ZNF804B: variants seen among roughly 807,000 people sequenced by gnomAD.
ZNF804B encodes zinc finger protein 804B, also known as zinc finger 804B.
ZNF804B carries 80 observed loss-of-function variants against 101.4 expected under a neutral mutation model. The observed-to-expected ratio is 0.79, with a 90% confidence interval of 0.66 to 0.95. The LOEUF is 0.95. Among genes scored for constraint, ZNF804B ranks in the 40% least tolerant of loss-of-function variants. The probability of loss-of-function intolerance (pLI) is 0.00; values close to 1 mark genes in which losing one functional copy is unlikely to be tolerated. For missense variants in ZNF804B, 1,673 were observed against 1,561.9 expected (o/e 1.07, Z -1.20); for synonymous variants, 622 against 558.8 (o/e 1.11, Z -1.59).
intron 1 of ZNF804B, among the ~76,000 whole-genome samples, chr7:89,071,914 C>T (rs1431663371): frequency 6.6e-6 from 1 of 152,110 alleles, no homozygotes; most frequent in African/African-American, 2.4e-5. Context: ...CTTACAAATC[C>T]TACTTGTTCT....
intron 1 of ZNF804B, among the ~76,000 whole-genome samples, chr7:89,212,282 CACACACAA>C (rs768542938): frequency 0.016 from 2,134 of 131,950 alleles, 21 homozygotes; most frequent in Non-Finnish European, 0.025. Flanking sequence ...CACACACACA[CACACACAA>C]ACAGACTGCA....
At chr7:88,780,388 T>TTA (rs1303361244) in intron 1 of ZNF804B, among the ~76,000 whole-genome samples, 1 of 123,112 alleles carries the variant, frequency 8.1e-6, no homozygotes, top group Admixed American at 7.9e-5. Context: ...TTTTTTGTCT[T>TTA]TTTTTTTTTT....
intron 1 of ZNF804B, among the ~76,000 whole-genome samples, chr7:88,943,300 T>C (rs1020461940): frequency 2.0e-5 from 3 of 151,880 alleles, no homozygotes; most frequent in Admixed American, 6.6e-5. Context: ...CTCCAGGCCT[T>C]GAAAGTAGTG....
At chr7:88,805,197 C>A (rs896553481) in intron 1 of ZNF804B, among the ~76,000 whole-genome samples, 2 of 151,934 alleles carry the variant, frequency 1.3e-5, no homozygotes, top group Non-Finnish European at 2.9e-5. Context: ...CAGGTATGCC[C>A]TACTAAAACA....
intron 1 of ZNF804B, among the ~76,000 whole-genome samples, chr7:88,867,695 A>G (rs933697034): frequency 2.0e-5 from 3 of 152,176 alleles, no homozygotes; most frequent in Non-Finnish European, 4.4e-5. Flanking sequence ...TTCTAACAAT[A>G]TGTTGAAAAT....
At chr7:89,212,495 A>G (rs1788820988) in intron 1 of ZNF804B, among the ~76,000 whole-genome samples, 1 of 152,168 alleles carries the variant, frequency 6.6e-6, no homozygotes, top group Non-Finnish European at 1.5e-5. Flanking sequence ...ATTTCAAACA[A>G]TTGTCTTAGA....
intron 2 of ZNF804B, among the ~76,000 whole-genome samples, chr7:89,323,146 C>A (rs796874642): frequency 6.6e-6 from 1 of 152,180 alleles, no homozygotes; most frequent in Non-Finnish European, 1.5e-5. Flanking sequence ...TGTCCATCTG[C>A]AAACCAGGAA....
intron 1 of ZNF804B, among the ~76,000 whole-genome samples, chr7:88,813,232 C>T (rs1007274809): frequency 5.5e-4 from 84 of 151,794 alleles, no homozygotes; most frequent in Non-Finnish European, 1.1e-3. Context: ...TCGAGACCAT[C>T]CTGGTTAACA....
chr7:88,908,800 T>C (rs1215407445), intron 1 of ZNF804B, among the ~76,000 whole-genome samples: 5 of 151,836 alleles, frequency 3.3e-5, no homozygotes, highest in African/African-American at 7.2e-5. Flanking sequence ...GCTTTGAAAT[T>C]AGTAATCTGT....
At chr7:89,064,120 C>T (rs1789417054) in intron 1 of ZNF804B, among the ~76,000 whole-genome samples, 2 of 152,160 alleles carry the variant, frequency 1.3e-5, no homozygotes, top group South Asian at 4.2e-4. Context: ...AGATGCACTG[C>T]AGCATTGGCA....
intron 1 of ZNF804B, among the ~76,000 whole-genome samples, chr7:88,786,623 C>G (rs761470543): frequency 1.3e-5 from 2 of 152,008 alleles, no homozygotes; most frequent in African/African-American, 4.8e-5. Flanking sequence ...TAGTGCCTAG[C>G]TATTTCAACA....
At chr7:89,055,864 C>T (rs576966498) in intron 1 of ZNF804B, among the ~76,000 whole-genome samples, 134 of 152,116 alleles carry the variant, frequency 8.8e-4, no homozygotes, top group Non-Finnish European at 1.1e-3. Flanking sequence ...AATTTCTTGG[C>T]GCTGCTCTTA....
intron 1 of ZNF804B, among the ~76,000 whole-genome samples, chr7:89,114,912 AAAAC>A (rs1790284772): frequency 6.6e-6 from 1 of 152,178 alleles, no homozygotes; most frequent in Non-Finnish European, 1.5e-5. Context: ...GCAAAAAACA[AAAAC>A]AAAAACTATT....
chr7:88,767,490 A>G (rs1268853510), intron 1 of ZNF804B, among the ~76,000 whole-genome samples: 1 of 152,246 alleles, frequency 6.6e-6, no homozygotes, highest in East Asian at 1.9e-4. Flanking sequence ...CAAAGGCTAT[A>G]TGCATTTTCT....
At chr7:89,284,654 A>G (rs1038540150) in intron 2 of ZNF804B, among the ~76,000 whole-genome samples, 4 of 152,158 alleles carry the variant, frequency 2.6e-5, no homozygotes, top group African/African-American at 7.2e-5. Flanking sequence ...TGCAACTTTT[A>G]TGTGGGGGCA....
In ZNF804B at chr7:88,877,010, AT is replaced by A. The variant is rs1562820321; in HGVS notation, c.108+116927del. 8.5e-4 allele frequency among the ~76,000 whole-genome samples: 53 copies of A among 62,000 alleles called. 2 individuals carry two copies. Among genetic ancestry groups the A allele is most frequent in the African/African-American group, 4.9e-3 (36 of 7,312 alleles). The allele number at this position is 62,000 out of a possible 152,430, so 40.7% of individuals were successfully genotyped here. ...ACAGAGAATATTTGAAAAAAAAAATATATATATATATATATAATATATATAT... is the reference window on the plus strand; with the variant it reads ...ACAGAGAATATTTGAAAAAAAAAATAATATATATATATATAATATATATAT... On this transcript the variant is annotated intron_variant, in intron 1 of 3. Coordinates refer to ENST00000333190, the MANE Select transcript of ZNF804B (RefSeq NM_181646.5).
intron 1 of ZNF804B, among the ~76,000 whole-genome samples, chr7:88,942,170 T>C (rs1467665754): frequency 1.3e-5 from 2 of 151,890 alleles, no homozygotes; most frequent in Admixed American, 1.3e-4. Flanking sequence ...TCCTAGACTC[T>C]CTATGGTCTT....
chr7:88,939,767 TA>T (rs956798325), intron 1 of ZNF804B, among the ~76,000 whole-genome samples: 160 of 138,704 alleles, frequency 1.2e-3, no homozygotes, highest in East Asian at 1.2e-3. Flanking sequence ...AGTGATCTAA[TA>T]AAAAAAAAAA....
chr7:89,204,540 T>A (rs1324542465), intron 1 of ZNF804B, among the ~76,000 whole-genome samples: 1 of 152,158 alleles, frequency 6.6e-6, no homozygotes, highest in African/African-American at 2.4e-5. Flanking sequence ...ACATGATCAC[T>A]CAGTAGGTCC....
Sources: allele counts gnomAD v4.1 joint callset (sites outside exome capture counted in the v4.1 genomes callset), GRCh38; gene constraint gnomAD v4.1.1; transcripts MANE v1.5; gene names NCBI Gene and HGNC (gene_info 2026-07-23, HGNC 2026-07-21).